The following ANKS1B variants were observed in gnomAD, a reference collection of about 807,000 sequenced individuals.
The protein encoded by ANKS1B is ankyrin repeat and sterile alpha motif domain-containing protein 1B.
A neutral mutation model predicts 148.3 loss-of-function variants in ANKS1B; 36 were observed. That is an observed-to-expected ratio of 0.24 (90% confidence interval 0.19 to 0.32). ANKS1B has a LOEUF of 0.32. Ranked by LOEUF, ANKS1B falls within the 10% of genes least tolerant of loss-of-function variation. The pLI is 1.00. For synonymous variants in ANKS1B, 542 were observed against 560.8 expected (o/e 0.97, Z 0.47); for missense variants, 1,157 against 1,542.6 (o/e 0.75, Z 4.19).
At chr12:99,192,876 C>T in intron 14 of ANKS1B, among the ~76,000 whole-genome samples, 1 of 151,800 alleles carries the variant, frequency 6.6e-6, no homozygotes, top group East Asian at 1.9e-4. Context: ...AATTTGAGTG[C>T]AAAAGTTTAA....
At chr12:99,409,443 C>T (rs187830480) in intron 11 of ANKS1B, among the ~76,000 whole-genome samples, 60 of 151,608 alleles carry the variant, frequency 4.0e-4, no homozygotes, top group Middle Eastern at 3.4e-3. Flanking sequence ...TTTGATAGCA[C>T]AATATTATGA....
rs1161190622 is a variant in ANKS1B, at chr12:98,745,523, C to T, written c.*216G>A. The T allele has an allele frequency of 2.3e-6, 3 of 1,288,212 alleles. No individual in the cohort carries two copies. The highest frequency in any genetic ancestry group is 2.0e-6 in the Non-Finnish European group (2 of 1,014,676). 79.8% of individuals were successfully genotyped at this position (1,288,212 alleles called of 1,614,324 possible). On this transcript the variant is annotated 3_prime_UTR_variant, in exon 27 of 27. Coordinates refer to ENST00000683438, the MANE Select transcript of ANKS1B (RefSeq NM_001352186.2). Reference sequence around the variant, plus strand: ...ATCAGGGAAAACCCATCTCAACTCACGCCTCTCAGGGGTTGCGACTGGAAA... The same window carrying T: ...ATCAGGGAAAACCCATCTCAACTCATGCCTCTCAGGGGTTGCGACTGGAAA...
At chr12:99,660,244 T>C (rs534868973) in intron 8 of ANKS1B, among the ~76,000 whole-genome samples, 3 of 152,202 alleles carry the variant, frequency 2.0e-5, no homozygotes, top group Non-Finnish European at 4.4e-5. Flanking sequence ...TCAGTGGGTG[T>C]ACTTCCAGAC....
At chr12:99,306,882 A>T (rs1287040192) in intron 12 of ANKS1B, among the ~76,000 whole-genome samples, 1 of 151,858 alleles carries the variant, frequency 6.6e-6, no homozygotes, top group East Asian at 1.9e-4. Context: ...AGTAAATTTC[A>T]TTCTAATGGT....
At chr12:99,699,706 T>C (rs888115813) in intron 8 of ANKS1B, among the ~76,000 whole-genome samples, 5 of 152,212 alleles carry the variant, frequency 3.3e-5, no homozygotes, top group Admixed American at 6.6e-5. Context: ...GGATAGAGTG[T>C]ATATTCATCA....
intron 9 of ANKS1B, among the ~76,000 whole-genome samples, chr12:99,618,434 G>T (rs184590925): frequency 6.6e-6 from 1 of 152,086 alleles, no homozygotes; most frequent in South Asian, 2.1e-4. Context: ...CATAAAAATA[G>T]TGCATAAAAA....
chr12:99,010,760 A>ATTTTT (rs970348105), intron 17 of ANKS1B, among the ~76,000 whole-genome samples: 4 of 132,678 alleles, frequency 3.0e-5, no homozygotes, highest in East Asian at 2.3e-4. Context: ...TATTATTATT[A>ATTTTT]TTTTTTTTTG....
chr12:99,449,416 T>A (rs1470777268), intron 10 of ANKS1B, among the ~76,000 whole-genome samples: 2 of 152,158 alleles, frequency 1.3e-5, no homozygotes, highest in Non-Finnish European at 2.9e-5. Context: ...GCATCGAAAC[T>A]TATATCCTAA....
intron 17 of ANKS1B, among the ~76,000 whole-genome samples, chr12:98,944,507 C>A (rs186505935): frequency 1.3e-5 from 2 of 152,102 alleles, no homozygotes. Flanking sequence ...TCCTTTAGAG[C>A]AATGCAAATG....
intron 8 of ANKS1B, among the ~76,000 whole-genome samples, chr12:99,693,825 G>A (rs1418428198): frequency 1.3e-4 from 19 of 144,578 alleles, no homozygotes; most frequent in Non-Finnish European, 2.5e-4. Context: ...CTGTCACCCA[G>A]GCTGGAGTGC....
chr12:98,844,292 G>A (rs1028799677), intron 17 of ANKS1B, among the ~76,000 whole-genome samples: 1 of 152,192 alleles, frequency 6.6e-6, no homozygotes, highest in African/African-American at 2.4e-5. Flanking sequence ...CATATGCAAT[G>A]CATTTAGCAC....
chr12:99,092,640 T>A (rs960371095), intron 15 of ANKS1B, among the ~76,000 whole-genome samples: 2 of 152,170 alleles, frequency 1.3e-5, no homozygotes, highest in African/African-American at 4.8e-5. Flanking sequence ...GCAGGGAACA[T>A]GGCGCCCTTG....
intron 7 of ANKS1B, among the ~76,000 whole-genome samples, chr12:99,775,105 C>G (rs1315178274): frequency 5.9e-5 from 9 of 151,946 alleles, no homozygotes; most frequent in African/African-American, 2.2e-4. Context: ...TAATAATATT[C>G]TATTGTATAC....
chr12:99,253,025 A>G (rs939285830), intron 12 of ANKS1B, among the ~76,000 whole-genome samples: 2 of 152,138 alleles, frequency 1.3e-5, no homozygotes, highest in Non-Finnish European at 1.5e-5. Context: ...GGAGTTTGAG[A>G]CCAGCCTGGG....
At chr12:99,403,571 C>T (rs1345450705) in intron 11 of ANKS1B, among the ~76,000 whole-genome samples, 1 of 144,934 alleles carries the variant, frequency 6.9e-6, no homozygotes, top group Non-Finnish European at 1.5e-5. Flanking sequence ...AAAATTTTCT[C>T]CCCTTCTGTG....
chr12:99,236,757 C>T (rs2088037435), intron 14 of ANKS1B, among the ~76,000 whole-genome samples: 1 of 152,186 alleles, frequency 6.6e-6, no homozygotes, highest in South Asian at 2.1e-4. Flanking sequence ...GAGAATGCTT[C>T]CAGCTTTGAC....
chr12:99,123,772 G>A (rs1369844822), intron 15 of ANKS1B, among the ~76,000 whole-genome samples: 1 of 152,146 alleles, frequency 6.6e-6, no homozygotes, highest in Non-Finnish European at 1.5e-5. Flanking sequence ...GTCCTTTCAC[G>A]TTCCCCTGCC....
At chr12:99,829,106 T>C (rs1469919808) in intron 1 of ANKS1B, among the ~76,000 whole-genome samples, 1 of 152,148 alleles carries the variant, frequency 6.6e-6, no homozygotes, top group African/African-American at 2.4e-5. Context: ...GCAGTTCCAA[T>C]ATTGAAAAAT....
intron 8 of ANKS1B, among the ~76,000 whole-genome samples, chr12:99,683,851 A>C (rs2098634902): frequency 1.3e-5 from 2 of 152,144 alleles, no homozygotes; most frequent in Non-Finnish European, 2.9e-5. Context: ...CATCATATAA[A>C]CAGAATTAAA....
Sources: allele counts gnomAD v4.1 joint callset (sites outside exome capture counted in the v4.1 genomes callset), GRCh38; gene constraint gnomAD v4.1.1; transcripts MANE v1.5; gene names NCBI Gene and HGNC (gene_info 2026-07-23, HGNC 2026-07-21).